The following DGKQ variants were observed in gnomAD, a reference collection of about 807,000 sequenced individuals.
The protein encoded by DGKQ is DAG kinase theta.
A neutral mutation model predicts 104.2 loss-of-function variants in DGKQ; 97 were observed. The observed-to-expected ratio is 0.93, with a 90% CI of 0.79 to 1.10. The LOEUF is 1.10. DGKQ is among the 50% of genes least tolerant of loss of function. The pLI, the probability that DGKQ is intolerant of heterozygous loss-of-function variation, is 0.00. For synonymous variants in DGKQ, 736 were observed against 595.2 expected (o/e 1.24, Z -3.44); for missense variants, 1,465 against 1,352.1 (o/e 1.08, Z -1.31).
At chr4:960,972 C>T (rs950848495) in intron 22 of DGKQ, 77 bp downstream of exon 22, 4 of 1,573,012 alleles carry the variant, frequency 2.5e-6, no homozygotes, top group African/African-American at 2.7e-5. Flanking sequence ...CCAGCACCAC[C>T]TGGGTACCAC....
intron 15 of DGKQ, 144 bp downstream of exon 15, chr4:965,032 A>C: frequency 1.5e-6 from 1 of 652,684 alleles, no homozygotes; most frequent in Non-Finnish European, 2.7e-6. Flanking sequence ...ACAAGGTGGC[A>C]CCTACAAGCC....
rs1264739730 is a variant in DGKQ, at chr4:967,380, G to C, written c.988-19C>G. ...CGGCCTCCTGCAGGGCACCAGGTTA[G>C]AGGGGCCAAGTTGTGGGGGGTCAGG... On this transcript the variant is annotated intron_variant, in intron 8 of 22. Transcript: ENST00000273814. 1 of 1,517,404 alleles carries C rather than the reference G, an allele frequency of 6.6e-7. No homozygotes were observed. Among genetic ancestry groups the C allele is most frequent in the Non-Finnish European group, 8.8e-7 (1 of 1,132,380 alleles). The allele number at this position is 1,517,404 out of a possible 1,614,324, so 94.0% of individuals were successfully genotyped here.
At chr4:964,712 G>A (rs149329010) in intron 15 of DGKQ, among the ~76,000 whole-genome samples, 1,604 of 152,332 alleles carry the variant, frequency 0.011, 25 homozygotes, top group Non-Finnish European at 0.018. Context: ...AAGGCCTCCC[G>A]GGCAGGGGGA....
intron 21 of DGKQ, 83 bp from the exon 22 acceptor site, chr4:961,284 C>T (rs1312685312): frequency 2.0e-5 from 26 of 1,299,380 alleles, no homozygotes; most frequent in African/African-American, 1.4e-4. Context: ...AGAGGCCAGC[C>T]GAGCAGGGAC....
chr4:960,495 G>T lies in DGKQ; in HGVS notation c.*125C>A. The T allele has an allele frequency of 1.2e-6, 1 of 831,886 alleles. No individual in the cohort carries two copies. Among genetic ancestry groups the T allele is most frequent in the African/African-American group, 1.7e-5 (1 of 60,052 alleles). 51.5% of individuals were successfully genotyped at this position (831,886 alleles called of 1,614,324 possible). A position where few individuals can be genotyped will look rare whatever the true frequency, so the allele number is the denominator to read the frequency against. ...CGTCACTGGGAAGATGCTGTGGTCA[G>T]GGCTGTAGCCAGGTCCGACCACAGG... On this transcript the variant is annotated 3_prime_UTR_variant, in exon 23 of 23. Transcript: ENST00000273814.
In DGKQ at chr4:967,310, G is replaced by A. The variant is rs1191627758; in HGVS notation, c.1039C>T (p.Leu347=). 2.6e-6 allele frequency: 4 copies of A among 1,540,406 alleles called. No individual in the cohort carries two copies. The highest frequency in any genetic ancestry group is 3.5e-6 in the Non-Finnish European group (4 of 1,148,090). ...HIPEDPGHLE[L]CRLPPSSQAC... is the part of the protein sequence containing the mutation. ...TGAGAGGAAGGGGGCAGCCGGCACAGCTCCAGGTGGCCAGGGTCCTCGGGG... is the reference window on the plus strand; with the variant it reads ...TGAGAGGAAGGGGGCAGCCGGCACAACTCCAGGTGGCCAGGGTCCTCGGGG... The change falls in exon 9 of 23, where the codon CTG becomes TTG. Residue 347 remains leucine, a synonymous_variant. Transcript: ENST00000273814.
Position 966,462 on chromosome 4 carries a change from TC to T in DGKQ, c.1428+3del. The T allele has an allele frequency of 6.2e-7, 1 of 1,612,166 alleles. No individual in the cohort carries two copies. The highest frequency in any genetic ancestry group is 8.5e-7 in the Non-Finnish European group (1 of 1,179,530). ...CCTGGGGGCCGGCGTCCACACCCAC[TC>T]ACCTGCCGGATGTCCTGTAGCCGGT... On this transcript the variant is annotated splice_donor_region_variant and intron_variant, in intron 12 of 22. Coordinates refer to ENST00000273814, the MANE Select transcript of DGKQ (RefSeq NM_001347.4).
In DGKQ at chr4:973,370, C is replaced by A; in HGVS notation, c.113G>T (p.Gly38Val). ...CTCGGGTCCCGGCCCCGGCCCCGGC[C>A]CCGGGCGCGCGCGGCCTCCTGAGCC... Reference protein sequence around the residue: ...VLGSGGRARPGPGPGPGPERA... With the variant: ...VLGSGGRARPVPGPGPGPERA... The change falls in exon 1 of 23, where the codon GGG becomes GTG. Residue 38 changes from glycine (G) to valine (V), a missense_variant. Physicochemically the swap from Gly to Val is moderately radical, Grantham distance 109. Coordinates refer to ENST00000273814, the MANE Select transcript of DGKQ (RefSeq NM_001347.4). 1 of 1,156,266 alleles carries A rather than the reference C, an allele frequency of 8.6e-7. No homozygotes were observed. Among genetic ancestry groups the A allele is most frequent in the Non-Finnish European group, 1.1e-6 (1 of 940,958 alleles). The allele number at this position is 1,156,266 out of a possible 1,614,324, so 71.6% of individuals were successfully genotyped here.
intron 14 of DGKQ, 67 bp from the exon 15 acceptor site, chr4:965,358 C>G: frequency 6.4e-7 from 1 of 1,572,900 alleles, no homozygotes; most frequent in Non-Finnish European, 8.7e-7. Flanking sequence ...GGGCAGGAAC[C>G]AAACCAGGAC....
At chr4:968,751 G>C in intron 3 of DGKQ, 60 bp downstream of exon 3, 3 of 1,502,632 alleles carry the variant, frequency 2.0e-6, no homozygotes, top group South Asian at 1.2e-5. Context: ...GGGTGGGCTG[G>C]GCCACCCTGG....
chr4:968,571 G>A lies in DGKQ; in HGVS notation c.452-7C>T. On this transcript the variant is annotated splice_polypyrimidine_tract_variant and splice_region_variant and intron_variant, in intron 3 of 22. Coordinates refer to ENST00000273814, the MANE Select transcript of DGKQ (RefSeq NM_001347.4). ...TGGAGGTGCAGCTCACACACTGGGG[G>A]GCAGGCAGGGTTAGAGGTGTCTGCC... 6.2e-7 allele frequency: 1 copy of A among 1,603,424 alleles called. No individual in the cohort carries two copies. Among genetic ancestry groups the A allele is most frequent in the East Asian group, 2.2e-5 (1 of 44,500 alleles).
Position 961,133 on chromosome 4 carries a change from G to A in DGKQ, c.2643C>T (p.Leu881=), listed in dbSNP as rs747776860. ...IAQGSYFRVT[L]LKATPVQVDG... ...CCACCTGCACCGGGGTGGCCTTGAG[G>A]AGCGTGACTCGGAAGTAGGAACCCT... Residue 881 remains leucine, a synonymous_variant, in exon 22 of 23, where the codon CTC becomes CTT. Coordinates refer to ENST00000273814, the MANE Select transcript of DGKQ (RefSeq NM_001347.4). 7 of 1,608,144 alleles carry A rather than the reference G, an allele frequency of 4.4e-6. No homozygotes were observed. The East Asian group carries it at 1.6e-4, about 36-fold the overall frequency.
chr4:967,457 G>A, intron 8 of DGKQ, 92 bp downstream of exon 8: 2 of 1,444,736 alleles, frequency 1.4e-6, no homozygotes, highest in Non-Finnish European at 1.9e-6. Flanking sequence ...TGGGTGAGGG[G>A]CGCCAGGTTG....
intron 1 of DGKQ, among the ~76,000 whole-genome samples, chr4:972,982 G>A (rs903183300): frequency 6.6e-6 from 1 of 152,182 alleles, no homozygotes; most frequent in East Asian, 1.9e-4. Flanking sequence ...CGCAGCCATC[G>A]CGCGGCACTA....
chr4:965,321 G>T, intron 14 of DGKQ, 30 bp from the exon 15 acceptor site: 1 of 1,601,890 alleles, frequency 6.2e-7, no homozygotes, highest in South Asian at 1.1e-5. Flanking sequence ...CTCAGGGGGA[G>T]CCTGTCCCAT....
At chr4:962,391 T>C (rs1711953620) in intron 18 of DGKQ, 44 bp downstream of exon 18, 4 of 1,513,618 alleles carry the variant, frequency 2.6e-6, no homozygotes, top group South Asian at 1.2e-5. Context: ...AGCGGGGTCA[T>C]ATGCAGGAGC....
intron 15 of DGKQ, among the ~76,000 whole-genome samples, chr4:964,246 C>T (rs956903243): frequency 3.9e-5 from 6 of 152,208 alleles, no homozygotes; most frequent in Admixed American, 1.3e-4. Flanking sequence ...AGGAGGGAGG[C>T]ATAGCAGGGA....
In DGKQ at chr4:963,181, G is replaced by C; in HGVS notation, c.1844C>G (p.Pro615Arg). 6.2e-7 allele frequency: 1 copy of C among 1,610,566 alleles called. No homozygotes were observed. The highest frequency in any genetic ancestry group is 8.5e-7 in the Non-Finnish European group (1 of 1,178,126). Residue 615 changes from proline to arginine, a missense_variant, in exon 16 of 23, where the codon CCT becomes CGT. Pro to Arg is a moderately radical substitution (Grantham distance 103). Coordinates refer to ENST00000273814, the MANE Select transcript of DGKQ (RefSeq NM_001347.4). The stretch of plus-strand genomic sequence containing the variant: ...GTTGGTCAGGTCGAAGACCTGATGA[G>C]GGTTCAGTAGCTTCCGGAAGCTGCA... ...LLCSFRKLLN[P>R]HQVFDLTNGG...
intron 2 of DGKQ, 58 bp downstream of exon 2, chr4:970,935 A>G: frequency 7.3e-7 from 1 of 1,376,206 alleles, no homozygotes; most frequent in South Asian, 1.3e-5. Context: ...CCTCGACCCT[A>G]CGAGAGCTGA....
Sources: gnomAD v4.1 joint callset for allele counts (sites outside exome capture counted in the v4.1 genomes callset) on GRCh38, gnomAD v4.1.1 for gene constraint, MANE v1.5 for transcripts, NCBI Gene and HGNC (gene_info 2026-07-23, HGNC 2026-07-21) for gene names.